PDZD9: variants seen among roughly 807,000 people sequenced by gnomAD.
PDZD9 encodes PDZ domain-containing protein 9.
In PDZD9, 13 loss-of-function variants were observed where a neutral mutation model predicts 16.3. The observed-to-expected ratio is 0.80, with a 90% CI of 0.52 to 1.27. The LOEUF (loss-of-function observed/expected upper bound fraction) is 1.27, where lower values mean the gene tolerates loss of function less well. Ranked by LOEUF, PDZD9 falls within the 50% of genes most tolerant of loss-of-function variation. The pLI is 0.00. For synonymous variants in PDZD9, 120 were observed against 111.0 expected (o/e 1.08, Z -0.51); for missense variants, 288 against 310.9 (o/e 0.93, Z 0.55).
intron 1 of PDZD9, chr16:21,998,476 T>A (rs1899205537): frequency 6.6e-6 from 1 of 152,066 alleles, no homozygotes; most frequent in Non-Finnish European, 1.5e-5. Context: ...GGCGGGTAGA[T>A]CACGAGATCA....
chr16:21,975,092 C>A, the PDZD9 span, among the ~76,000 whole-genome samples: 15 of 152,222 alleles, frequency 9.9e-5, no homozygotes, highest in African/African-American at 3.6e-4. Flanking sequence ...ATTCAGAAGC[C>A]TAATAGAGAA....
the PDZD9 span, among the ~76,000 whole-genome samples, chr16:21,965,926 C>T: frequency 3.3e-5 from 5 of 152,094 alleles, no homozygotes; most frequent in Non-Finnish European, 5.9e-5. Flanking sequence ...TCAAGCAGTC[C>T]TTCTGCCTAT....
At chr16:21,963,751 G>A in the PDZD9 span, among the ~76,000 whole-genome samples, 1 of 152,142 alleles carries the variant, frequency 6.6e-6, no homozygotes, top group African/African-American at 2.4e-5. Context: ...TTACAGGCGT[G>A]AGCCACTGTG....
the PDZD9 span, chr16:21,971,802 G>A: frequency 1.4e-6 from 2 of 1,432,282 alleles, no homozygotes; most frequent in African/African-American, 1.4e-5. Context: ...ATGGCATGGG[G>A]AAAGCACCGA....
At chr16:21,962,972 AATTTTT>A in the PDZD9 span, 69 of 1,454,216 alleles carry the variant, frequency 4.7e-5, no homozygotes, top group Middle Eastern at 1.2e-3. Flanking sequence ...TTGCTGTCAA[AATTTTT>A]ATTTTTATTT....
the PDZD9 span, chr16:21,962,798 G>A: frequency 6.2e-7 from 1 of 1,614,104 alleles, no homozygotes; most frequent in Non-Finnish European, 8.5e-7. Context: ...TGTCACCACA[G>A]CACCAGAATT....
chr16:21,992,008 C>T (rs1307101511), intron 2 of PDZD9, among the ~76,000 whole-genome samples: 1 of 152,186 alleles, frequency 6.6e-6, no homozygotes, highest in Non-Finnish European at 1.5e-5. Context: ...CAAGTTATTT[C>T]ATCTCTCTAC....
chr16:21,962,602 C>T, the PDZD9 span: 1 of 1,593,858 alleles, frequency 6.3e-7, no homozygotes. Flanking sequence ...GTCATTATGA[C>T]CTCTGACTTC....
the PDZD9 span, chr16:21,971,815 T>C: frequency 1 from 1,496,974 of 1,498,788 alleles, 747,619 homozygotes; most frequent in Non-Finnish European, 1. Context: ...AGCACCGAGC[T>C]GCAGAAAAGA....
the PDZD9 span, among the ~76,000 whole-genome samples, chr16:21,975,315 G>GATCT: frequency 2.0e-5 from 3 of 152,182 alleles, no homozygotes; most frequent in East Asian, 5.8e-4. Flanking sequence ...TCTTGATAAA[G>GATCT]TGGAAGAATA....
the PDZD9 span, chr16:21,976,283 T>C: frequency 1.3e-6 from 2 of 1,493,822 alleles, no homozygotes; most frequent in Non-Finnish European, 1.9e-6. Context: ...TTTTTGTTAT[T>C]TGAAAGTTGT....
downstream of PDZD9, among the ~76,000 whole-genome samples, chr16:21,980,881 C>G (rs1311885960): frequency 6.6e-6 from 1 of 152,042 alleles, no homozygotes; most frequent in African/African-American, 2.4e-5. Context: ...CCTGTCAGCT[C>G]GAGTATATGT....
intron 1 of PDZD9, 49 bp downstream of exon 1, chr16:22,000,968 A>C: frequency 1.3e-6 from 2 of 1,520,996 alleles, no homozygotes; most frequent in Non-Finnish European, 1.8e-6. Flanking sequence ...AACATTGACG[A>C]AGGCTTGGTC....
intron 1 of PDZD9, chr16:21,998,363 C>T (rs551547577): frequency 7.1e-5 from 15 of 212,494 alleles, no homozygotes; most frequent in African/African-American, 2.1e-4. Flanking sequence ...TGCAGAAGTT[C>T]GGGAAGGCAA....
chr16:21,960,395 G>C, the PDZD9 span, among the ~76,000 whole-genome samples: 1 of 152,186 alleles, frequency 6.6e-6, no homozygotes, highest in Non-Finnish European at 1.5e-5. Context: ...TATAATTGAA[G>C]AGAGTTAGGG....
the PDZD9 span, among the ~76,000 whole-genome samples, chr16:21,978,709 T>C: frequency 6.6e-6 from 1 of 152,118 alleles, no homozygotes; most frequent in Non-Finnish European, 1.5e-5. Context: ...ACGTAAACGG[T>C]TCACGTACTT....
chr16:21,975,240 A>G, the PDZD9 span, among the ~76,000 whole-genome samples: 3 of 152,310 alleles, frequency 2.0e-5, no homozygotes, highest in East Asian at 3.9e-4. Flanking sequence ...TCTAGGCTCA[A>G]TAGAGAAGTG....
rs753671213 is a variant in PDZD9, at chr16:21,984,650, T to C, written c.412A>G (p.Lys138Glu). Residue 138 changes from lysine to glutamate, a missense_variant, in exon 4 of 4, where the codon AAA becomes GAA. Transcript: ENST00000424898. Reference sequence around the variant, plus strand: ...GATTCATCTTTTGCCAGCTCAATTTTCTTTGGTGTGCTGAAATGAAAAGAA... The same window carrying C: ...GATTCATCTTTTGCCAGCTCAATTTCCTTTGGTGTGCTGAAATGAAAAGAA... ...AKFPVTSTPK[K>E]IELAKDESFT... 1.3e-6 allele frequency: 2 copies of C among 1,507,412 alleles called. No homozygotes were observed. The highest frequency in any genetic ancestry group is 1.8e-6 in the Non-Finnish European group (2 of 1,127,720). The allele number at this position is 1,507,412 out of a possible 1,614,324, so 93.4% of individuals were successfully genotyped here.
At chr16:21,980,738 ACTTAAC>A (rs746271272), downstream of PDZD9, 82 of 1,607,352 alleles carry the variant, frequency 5.1e-5, no homozygotes, top group Non-Finnish European at 6.6e-5. Flanking sequence ...ACAACAGAGA[ACTTAAC>A]CTTAATGATC....
Sources: gnomAD v4.1 joint callset for allele counts (sites outside exome capture counted in the v4.1 genomes callset) on GRCh38, gnomAD v4.1.1 for gene constraint, MANE v1.5 for transcripts, NCBI Gene and HGNC (gene_info 2026-07-23, HGNC 2026-07-21) for gene names.